The following INO80 variants were observed in gnomAD, a reference collection of about 807,000 sequenced individuals.
The protein encoded by INO80 is chromatin-remodeling ATPase INO80.
INO80 carries 20 observed loss-of-function variants against 203.4 expected under a neutral mutation model. The observed-to-expected ratio is 0.10, with a 90% confidence interval of 0.07 to 0.14. The LOEUF (loss-of-function observed/expected upper bound fraction) is 0.14, where lower values mean the gene tolerates loss of function less well. Ranked by LOEUF, INO80 falls within the 10% of genes least tolerant of loss-of-function variation. The pLI, the probability that INO80 is intolerant of heterozygous loss-of-function variation, is 1.00. For missense variants in INO80, 1,419 were observed against 1,914.4 expected, an observed-to-expected ratio of 0.74 and a Z score of 4.83; for synonymous variants, 726 against 685.2, an observed-to-expected ratio of 1.06 and a Z score of -0.93.
chr15:40,997,180 G>T (rs2043891485), intron 29 of INO80, among the ~76,000 whole-genome samples: 1 of 151,996 alleles, frequency 6.6e-6, no homozygotes, highest in Admixed American at 6.6e-5. Flanking sequence ...GGGAGGGTGA[G>T]GTGGGAGGAT....
At chr15:41,048,851 T>C (rs2044813654) in intron 21 of INO80, among the ~76,000 whole-genome samples, 1 of 152,230 alleles carries the variant, frequency 6.6e-6, no homozygotes, top group African/African-American at 2.4e-5. Flanking sequence ...TCGTCTCTAG[T>C]GCATTACCTT....
Position 41,081,203 on chromosome 15 carries a change from A to G in INO80, c.874-130T>C, listed in dbSNP as rs148627683. On this transcript the variant is annotated intron_variant, in intron 7 of 35. Coordinates refer to ENST00000648947, the MANE Select transcript of INO80 (RefSeq NM_017553.3). ...AAGCCAAGCAAGATATATTACTTCT[A>G]TAAGTCATCCAGATGTATTGTCTCA... 1,254 of 610,960 alleles carry G rather than the reference A, an allele frequency of 2.1e-3. 22 individuals carry two copies. The East Asian group carries it at 0.032, about 15-fold the overall frequency. The allele number at this position is 610,960 out of a possible 1,614,324, so 37.8% of individuals were successfully genotyped here.
At chr15:41,081,165 G>T (rs1483265777) in intron 7 of INO80, 92 bp from the exon 8 acceptor site, 1 of 795,694 alleles carries the variant, frequency 1.3e-6, no homozygotes. Flanking sequence ...TTCCTAGAGG[G>T]TTAGAAAATG....
Position 41,027,584 on chromosome 15 carries a change from T to C in INO80, c.3048+12A>G. ...GCCATCTATTTCATCTCTTCCCTCC[T>C]GGAGCACTTACTCGTGGACTGGCCA... is the stretch of plus-strand genomic sequence containing the variant. On this transcript the variant is annotated intron_variant, in intron 25 of 35. Coordinates refer to ENST00000648947, the MANE Select transcript of INO80 (RefSeq NM_017553.3). The C allele has an allele frequency of 6.3e-7, 1 of 1,591,134 alleles. No homozygotes were observed. The highest frequency in any genetic ancestry group is 1.1e-5 in the South Asian group (1 of 87,388).
Position 41,050,132 on chromosome 15 carries a change from G to C in INO80, c.2275-30C>G, listed in dbSNP as rs748206539. On this transcript the variant is annotated intron_variant, in intron 19 of 35. Transcript: ENST00000648947. ...AAATCAATAAGAACATTTATATTTG[G>C]AAAAGTAGTTTTTAAGAAAATTCAG... 5 of 1,535,488 alleles carry C rather than the reference G, an allele frequency of 3.3e-6. No homozygotes were observed. The South Asian group carries it at 5.7e-5, about 18-fold the overall frequency.
chr15:41,067,080 T>C (rs1022102021), intron 14 of INO80, among the ~76,000 whole-genome samples: 5 of 152,118 alleles, frequency 3.3e-5, no homozygotes, highest in African/African-American at 1.2e-4. Flanking sequence ...CCTTTTATTT[T>C]TCTTTTTTCT....
chr15:41,056,720 TA>T lies in INO80; in HGVS notation c.1986-15del. 1 of 1,607,772 alleles carries T rather than the reference TA, an allele frequency of 6.2e-7. No homozygotes were observed. Among genetic ancestry groups the T allele is most frequent in the Non-Finnish European group, 8.5e-7 (1 of 1,174,414 alleles). On this transcript the variant is annotated splice_polypyrimidine_tract_variant and intron_variant, in intron 16 of 35. Transcript: ENST00000648947. ...TTCCAACGAACACTGTTTGATAAAA[TA>T]AGTTACAAATTCATGTTAGCAATAA...
chr15:41,052,029 C>T (rs560111671), intron 19 of INO80, among the ~76,000 whole-genome samples: 2 of 152,080 alleles, frequency 1.3e-5, no homozygotes, highest in South Asian at 4.1e-4. Context: ...GTACCATCTA[C>T]TAGGGAGGCT....
At chr15:41,079,607 T>G in intron 9 of INO80, 94 bp downstream of exon 9, 4 of 1,098,556 alleles carry the variant, frequency 3.6e-6, no homozygotes, top group Non-Finnish European at 5.4e-6. Flanking sequence ...ATTGACAGTG[T>G]CATTGGTTAG....
At chr15:41,031,377 C>G (rs72737704) in intron 24 of INO80, among the ~76,000 whole-genome samples, 60,792 of 144,154 alleles carry the variant, frequency 0.42, 12,828 homozygotes, top group Middle Eastern at 0.48. Flanking sequence ...TTTAGTCTAA[C>G]TTGGTCATGA....
chr15:41,026,077 G>GC (rs1356324912), intron 25 of INO80, among the ~76,000 whole-genome samples: 1 of 152,198 alleles, frequency 6.6e-6, no homozygotes, highest in East Asian at 1.9e-4. Flanking sequence ...AACTCATATA[G>GC]CACAGGAGCA....
intron 29 of INO80, among the ~76,000 whole-genome samples, chr15:40,992,081 A>C (rs779262074): frequency 2.0e-5 from 3 of 152,198 alleles, no homozygotes; most frequent in Non-Finnish European, 4.4e-5. Flanking sequence ...CTGCTGAAAC[A>C]GGAAAATTTC....
intron 14 of INO80, among the ~76,000 whole-genome samples, chr15:41,064,803 C>G (rs1338150295): frequency 6.6e-6 from 1 of 152,084 alleles, no homozygotes; most frequent in African/African-American, 2.4e-5. Flanking sequence ...TTGAGACCAG[C>G]CTGGCCAACG....
intron 24 of INO80, among the ~76,000 whole-genome samples, chr15:41,038,011 C>CTTTTTTTTTTTT (rs748525965): frequency 1.1e-5 from 1 of 89,794 alleles, no homozygotes. Context: ...CTTCCCTTTT[C>CTTTTTTTTTTTT]TTTTTTTTTT....
chr15:41,112,720 A>G lies in INO80; in HGVS notation c.-44+3253T>C, dbSNP rs1023211651. ...GGAGAATTTCTTGAACCCGGGAGGC[A>G]GAGGGTGCAGTGAGCCTAGATCGTG... On this transcript the variant is annotated intron_variant, in intron 1 of 35. Transcript: ENST00000648947. Among the ~76,000 whole-genome samples the G allele has an allele frequency of 3.2e-4, 43 of 133,696 alleles. 1 individual carries two copies. Among genetic ancestry groups the G allele is most frequent in the South Asian group, 2.8e-4 (1 of 3,542 alleles). 87.7% of individuals were successfully genotyped at this position (133,696 alleles called of 152,430 possible).
At chr15:41,085,644 C>G in intron 6 of INO80, 61 bp from the exon 7 acceptor site, 1 of 1,334,208 alleles carries the variant, frequency 7.5e-7, no homozygotes. Flanking sequence ...AAAGCAACCT[C>G]ATGACTTAAA....
At chr15:41,091,911 C>A in intron 5 of INO80, 116 bp downstream of exon 5, 1 of 793,172 alleles carries the variant, frequency 1.3e-6, no homozygotes, top group East Asian at 2.6e-5. Flanking sequence ...CTCGTCCTCC[C>A]AAAGTGCTGG....
intron 23 of INO80, among the ~76,000 whole-genome samples, chr15:41,045,602 A>T (rs960853661): frequency 2.1e-5 from 3 of 141,220 alleles, no homozygotes; most frequent in Non-Finnish European, 4.7e-5. Flanking sequence ...AAAAAAAAAA[A>T]TTCACCTTGG....
intron 9 of INO80, among the ~76,000 whole-genome samples, chr15:41,078,086 G>T (rs1172712083): frequency 6.6e-6 from 1 of 151,762 alleles, no homozygotes; most frequent in African/African-American, 2.4e-5. Context: ...TTTTAGTAGA[G>T]ACAGGGTTTC....
Sources: allele counts gnomAD v4.1 joint callset (sites outside exome capture counted in the v4.1 genomes callset), GRCh38; gene constraint gnomAD v4.1.1; transcripts MANE v1.5; gene names NCBI Gene and HGNC (gene_info 2026-07-23, HGNC 2026-07-21).